CAPN3: variants seen among roughly 807,000 people sequenced by gnomAD.
CAPN3 encodes calpain 3.
A neutral mutation model predicts 114.0 loss-of-function variants in CAPN3; 88 were observed. The observed-to-expected ratio is 0.77, with a 90% CI of 0.65 to 0.92. The LOEUF is 0.92. CAPN3 is among the 40% of genes least tolerant of loss of function. CAPN3 has a pLI of 0.00. For synonymous variants in CAPN3, 386 were observed against 382.9 expected (o/e 1.01, Z -0.09); for missense variants, 1,028 against 1,069.0 (o/e 0.96, Z 0.53).
chr15:42,398,615 A>G (rs1468742397), intron 9 of CAPN3, among the ~76,000 whole-genome samples: 1 of 149,490 alleles, frequency 6.7e-6, no homozygotes, highest in Non-Finnish European at 1.5e-5. Flanking sequence ...ACACACACAC[A>G]CACACACACA....
At chr15:42,407,487 C>T (rs1269945154) in intron 15 of CAPN3, among the ~76,000 whole-genome samples, 1 of 152,172 alleles carries the variant, frequency 6.6e-6, no homozygotes, top group Non-Finnish European at 1.5e-5. Flanking sequence ...CACCACCACA[C>T]CCAGCTAATT....
In CAPN3 at chr15:42,412,129, G is replaced by A. The variant is rs922343515; in HGVS notation, c.*356G>A. ...TGCCGGTGGCACTCAGCACCTCCTT[G>A]TGCTAGAGCCCTCCATCACCTTCAC... On this transcript the variant is annotated 3_prime_UTR_variant, in exon 24 of 24. Coordinates refer to ENST00000397163, the MANE Select transcript of CAPN3 (RefSeq NM_000070.3). 9.1e-6 allele frequency: 14 copies of A among 1,535,968 alleles called. No homozygotes were observed. In the African/African-American group the frequency reaches 1.5e-4, roughly 17 times the overall value.
chr15:42,397,308 C>G (rs573194013), intron 9 of CAPN3, among the ~76,000 whole-genome samples: 2 of 152,140 alleles, frequency 1.3e-5, no homozygotes, highest in Non-Finnish European at 2.9e-5. Context: ...CTAAGTTCCC[C>G]GAGGACTGGG....
chr15:42,410,466 C>A lies in CAPN3; in HGVS notation c.2154C>A (p.His718Gln), dbSNP rs1351586112. 15 of 1,613,974 alleles carry A rather than the reference C, an allele frequency of 9.3e-6. No homozygotes were observed. The highest frequency in any genetic ancestry group is 1.1e-5 in the Non-Finnish European group (13 of 1,180,020). Reference protein sequence around the residue: ...GSGKLNLQEFHHLWNKIKAWQ... With the variant: ...GSGKLNLQEFQHLWNKIKAWQ... The stretch of plus-strand genomic sequence containing the variant: ...GAAAGCTCAACCTGCAGGAGTTCCA[C>A]CACCTCTGGAACAAGATTAAGGCCT... The change falls in exon 20 of 24, where the codon CAC becomes CAA. Residue 718 changes from histidine to glutamine, a missense_variant. Physicochemically the swap from His to Gln is conservative, Grantham distance 24. Transcript: ENST00000397163.
At chr15:42,365,975 A>G (rs1040761830) in intron 1 of CAPN3, among the ~76,000 whole-genome samples, 13 of 152,336 alleles carry the variant, frequency 8.5e-5, no homozygotes, top group African/African-American at 2.6e-4. Context: ...TTCCCAAGCT[A>G]TAATTCATCA....
chr15:42,387,295 C>T (rs939680634), intron 3 of CAPN3, among the ~76,000 whole-genome samples: 1 of 152,156 alleles, frequency 6.6e-6, no homozygotes, highest in Non-Finnish European at 1.5e-5. Context: ...TCACTTTGTT[C>T]CTCCGTTTCA....
chr15:42,396,713 C>G, intron 8 of CAPN3, 87 bp from the exon 9 acceptor site: 2 of 1,042,130 alleles, frequency 1.9e-6, no homozygotes, highest in South Asian at 2.6e-5. Context: ...AGCTGCAACT[C>G]TTTGTATTTC....
intron 6 of CAPN3, among the ~76,000 whole-genome samples, chr15:42,391,598 C>G (rs2053557864): frequency 1.3e-5 from 2 of 152,160 alleles, no homozygotes; most frequent in African/African-American, 4.8e-5. Flanking sequence ...CGGGAAGCTC[C>G]TTTTAAAGCT....
intron 15 of CAPN3, 66 bp downstream of exon 15, chr15:42,406,009 G>C (rs2054010210): frequency 7.4e-7 from 1 of 1,346,866 alleles, no homozygotes; most frequent in African/African-American, 1.4e-5. Context: ...TGCATGTGAA[G>C]TGTGCATGTG....
At position 42,389,970 on chromosome 15, in the gene CAPN3, C is replaced by T; in HGVS notation, c.819C>T (p.Thr273=). 1.9e-6 allele frequency: 3 copies of T among 1,614,096 alleles called. No individual in the cohort carries two copies. Among genetic ancestry groups the T allele is most frequent in the Non-Finnish European group, 2.5e-6 (3 of 1,180,008 alleles). Reference sequence around the variant, plus strand: ...GGCCTCAGGATGGCACGAACATGACCTATGGAACCTCTCCTTCTGGTCTGA... The same window carrying T: ...GGCCTCAGGATGGCACGAACATGACTTATGGAACCTCTCCTTCTGGTCTGA... The part of the protein sequence containing the change: ...GCSIDDGTNM[T]YGTSPSGLNM... The change falls in exon 6 of 24, where the codon ACC becomes ACT. Residue 273 remains threonine, a synonymous_variant. Coordinates refer to ENST00000397163, the MANE Select transcript of CAPN3 (RefSeq NM_000070.3).
At chr15:42,370,742 A>G (rs1210916823) in intron 1 of CAPN3, among the ~76,000 whole-genome samples, 5 of 152,198 alleles carry the variant, frequency 3.3e-5, no homozygotes, top group Non-Finnish European at 7.3e-5. Context: ...CTCTTCTGTA[A>G]TGAGGATAAG....
chr15:42,380,743 ATATATATATTTTTT>A lies in CAPN3; in HGVS notation c.310-3738_310-3725del, dbSNP rs1328072614. On this transcript the variant is annotated intron_variant, in intron 1 of 23. Transcript: ENST00000397163. ...CCACCTTCCCCATATATATATATAT[ATATATATATTTTTT>A]TTTTTTTTTTTTTTGTAAAGATGGG... 7.6e-3 allele frequency among the ~76,000 whole-genome samples: 452 copies of A among 59,290 alleles called. 7 individuals carry two copies. The highest frequency in any genetic ancestry group is 0.039 in the African/African-American group (433 of 11,226). 38.9% of individuals were successfully genotyped at this position (59,290 alleles called of 152,430 possible). A position where few individuals can be genotyped will look rare whatever the true frequency, so the allele number is the denominator to read the frequency against.
Position 42,376,874 on chromosome 15 carries a change from A to G in CAPN3, c.310-7609A>G, listed in dbSNP as rs995901996. Among the ~76,000 whole-genome samples the G allele has an allele frequency of 2.0e-5, 3 of 152,242 alleles. No homozygotes were observed. In the East Asian group the frequency reaches 5.8e-4, roughly 29 times the overall value. ...ATATAAAGCCATTTGTATCTATACT[A>G]AGCTAAACATGAGTTCACACTGACA... On this transcript the variant is annotated intron_variant, in intron 1 of 23. Coordinates refer to ENST00000397163, the MANE Select transcript of CAPN3 (RefSeq NM_000070.3).
chr15:42,407,635 G>A (rs1369176922), intron 15 of CAPN3, among the ~76,000 whole-genome samples: 1 of 152,132 alleles, frequency 6.6e-6, no homozygotes, highest in Non-Finnish European at 1.5e-5. Flanking sequence ...GGCCAGAGAG[G>A]ATATTTCTTA....
intron 1 of CAPN3, among the ~76,000 whole-genome samples, chr15:42,363,816 G>A (rs2052710799): frequency 6.6e-6 from 1 of 152,192 alleles, no homozygotes; most frequent in Non-Finnish European, 1.5e-5. Context: ...TTACAAAGGA[G>A]GGAACTGAGT....
rs80338801 is a variant in CAPN3 at position 42,392,638 on chromosome 15, G to A, written c.946-1G>A. 1 of 1,613,266 alleles carries A rather than the reference G, an allele frequency of 6.2e-7. No individual in the cohort carries two copies. The stretch of plus-strand genomic sequence containing the variant: ...TGGGTTCTCTGGTTACTGCTCTACA[G>A]ACAATCATTCCGGTTCAGTATGAGA... On this transcript the variant is annotated splice_acceptor_variant, in intron 6 of 23. Transcript: ENST00000397163. LOFTEE classifies it high-confidence loss of function.
chr15:42,401,568 C>A (rs2053869207), intron 10 of CAPN3, 73 bp from the exon 11 acceptor site: 1 of 1,250,288 alleles, frequency 8.0e-7, no homozygotes, highest in Non-Finnish European at 1.1e-6. Flanking sequence ...AAATAAATGG[C>A]TCCCTCTGTC....
chr15:42,387,211 C>T (rs562303985), intron 3 of CAPN3, among the ~76,000 whole-genome samples: 1 of 152,210 alleles, frequency 6.6e-6, no homozygotes, highest in Non-Finnish European at 1.5e-5. Context: ...CAAACTGATT[C>T]ATTCAAAAAA....
chr15:42,360,182 G>A (rs941004057), intron 1 of CAPN3, 68 bp downstream of exon 1: 3 of 1,575,602 alleles, frequency 1.9e-6, no homozygotes, highest in Non-Finnish European at 1.7e-6. Context: ...CAGCACCTCC[G>A]GCAGCTCAGC....
Sources: gnomAD v4.1 joint callset for allele counts (sites outside exome capture counted in the v4.1 genomes callset) on GRCh38, gnomAD v4.1.1 for gene constraint, MANE v1.5 for transcripts, NCBI Gene and HGNC (gene_info 2026-07-23, HGNC 2026-07-21) for gene names.